BNC2: variants seen among roughly 807,000 people sequenced by gnomAD.
BNC2 encodes the protein zinc finger protein basonuclin-2.
Under a neutral mutation model 76.3 loss-of-function variants are expected in BNC2, and 20 were observed. The ratio of observed to expected loss-of-function variants is 0.26; its 90% CI spans 0.18 to 0.38. The LOEUF (loss-of-function observed/expected upper bound fraction) is 0.38. BNC2 is among the 10% of genes least tolerant of loss of function. The pLI, the probability that BNC2 is intolerant of heterozygous loss-of-function variation, is 1.00. For missense variants in BNC2, 1,382 were observed against 1,399.8 expected, an observed-to-expected ratio of 0.99 and a Z score of 0.20; for synonymous variants, 582 against 514.8, an observed-to-expected ratio of 1.13 and a Z score of -1.77.
intron 3 of BNC2, among the ~76,000 whole-genome samples, chr9:16,622,873 TA>T (rs374598689): frequency 5.9e-5 from 9 of 152,052 alleles, no homozygotes. Context: ...AATTATATAC[TA>T]AAAAAACCTT....
At chr9:16,557,373 C>T (rs1305517886) in intron 4 of BNC2, among the ~76,000 whole-genome samples, 7 of 151,986 alleles carry the variant, frequency 4.6e-5, no homozygotes, top group Admixed American at 4.6e-4. Flanking sequence ...GTGGCACACG[C>T]CTGTAGTCCC....
At chr9:16,792,312 A>C (rs1289305501) in intron 1 of BNC2, among the ~76,000 whole-genome samples, 2 of 152,196 alleles carry the variant, frequency 1.3e-5, no homozygotes, top group African/African-American at 2.4e-5. Context: ...GTAAGCAGTG[A>C]AGTCAGGATT....
chr9:16,506,629 G>A (rs1281428943), intron 5 of BNC2, among the ~76,000 whole-genome samples: 1 of 141,224 alleles, frequency 7.1e-6, no homozygotes, highest in Non-Finnish European at 1.5e-5. Flanking sequence ...TGCTTCAAAC[G>A]ATTCTCCTGC....
intron 5 of BNC2, among the ~76,000 whole-genome samples, chr9:16,542,482 C>G (rs1249681114): frequency 4.6e-5 from 7 of 152,228 alleles, no homozygotes; most frequent in African/African-American, 1.7e-4. Flanking sequence ...TAGATACCAA[C>G]AGGACCACAA....
At chr9:16,672,119 C>T (rs1465338801) in intron 3 of BNC2, among the ~76,000 whole-genome samples, 1 of 152,160 alleles carries the variant, frequency 6.6e-6, no homozygotes, top group Non-Finnish European at 1.5e-5. Context: ...ACAGGTGAAA[C>T]AGGGAGATCT....
chr9:16,523,330 G>A (rs1200354891), intron 5 of BNC2, among the ~76,000 whole-genome samples: 1 of 151,872 alleles, frequency 6.6e-6, no homozygotes, highest in East Asian at 1.9e-4. Context: ...AATTAGCCGG[G>A]CAGGGTGGCA....
intron 3 of BNC2, among the ~76,000 whole-genome samples, chr9:16,627,473 G>C (rs549089463): frequency 6.6e-5 from 10 of 152,250 alleles, no homozygotes; most frequent in African/African-American, 2.4e-4. Flanking sequence ...GTGATAACAG[G>C]CCAATATTCA....
intron 5 of BNC2, among the ~76,000 whole-genome samples, chr9:16,506,457 A>G (rs1434265574): frequency 6.7e-6 from 1 of 148,268 alleles, no homozygotes; most frequent in Non-Finnish European, 1.5e-5. Context: ...GGCAAGTTGA[A>G]ATTTTATCTA....
At chr9:16,529,642 G>C (rs1355271778) in intron 5 of BNC2, among the ~76,000 whole-genome samples, 1 of 151,998 alleles carries the variant, frequency 6.6e-6, no homozygotes, top group African/African-American at 2.4e-5. Flanking sequence ...ATTACTAGTT[G>C]TTCTAGTGGA....
intron 1 of BNC2, among the ~76,000 whole-genome samples, chr9:16,783,790 C>T (rs1335459258): frequency 8.5e-5 from 13 of 152,120 alleles, no homozygotes; most frequent in Non-Finnish European, 1.5e-5. Context: ...TCAATGAAAT[C>T]GCAAAGCTAT....
intron 1 of BNC2, among the ~76,000 whole-genome samples, chr9:16,757,481 C>T (rs1427914495): frequency 1.3e-5 from 2 of 152,146 alleles, no homozygotes; most frequent in Non-Finnish European, 2.9e-5. Context: ...TGACAACTGT[C>T]GAACATGACA....
At chr9:16,687,279 G>A (rs1366850117) in intron 3 of BNC2, among the ~76,000 whole-genome samples, 1 of 152,050 alleles carries the variant, frequency 6.6e-6, no homozygotes, top group African/African-American at 2.4e-5. Flanking sequence ...TCATATGAAA[G>A]AAATTACAAA....
chr9:16,767,708 T>C (rs1825735195), intron 1 of BNC2, among the ~76,000 whole-genome samples: 1 of 152,222 alleles, frequency 6.6e-6, no homozygotes, highest in African/African-American at 2.4e-5. Context: ...TTTTCAAACA[T>C]GTATTATACA....
chr9:16,827,530 G>A (rs112399426), intron 1 of BNC2, among the ~76,000 whole-genome samples: 1 of 152,126 alleles, frequency 6.6e-6, no homozygotes, highest in African/African-American at 2.4e-5. Context: ...CTAGAATCCG[G>A]AGAACTCAGT....
intron 1 of BNC2, among the ~76,000 whole-genome samples, chr9:16,782,012 C>T (rs941298031): frequency 1.3e-5 from 2 of 152,028 alleles, no homozygotes; most frequent in South Asian, 2.1e-4. Flanking sequence ...ATAGGCTGGG[C>T]GTGGTGGCTC....
At chr9:16,457,555 T>A (rs980608033) in intron 5 of BNC2, among the ~76,000 whole-genome samples, 2 of 152,152 alleles carry the variant, frequency 1.3e-5, no homozygotes, top group African/African-American at 4.8e-5. Context: ...CAGCATTAAA[T>A]TGTGACAACA....
chr9:16,698,151 T>C (rs1231425844), intron 3 of BNC2, among the ~76,000 whole-genome samples: 1 of 152,154 alleles, frequency 6.6e-6, no homozygotes, highest in African/African-American at 2.4e-5. Flanking sequence ...ACAGAAACCA[T>C]ACATCTACCT....
chr9:16,497,118 G>T (rs1042302849), intron 5 of BNC2, among the ~76,000 whole-genome samples: 1 of 152,222 alleles, frequency 6.6e-6, no homozygotes, highest in Non-Finnish European at 1.5e-5. Context: ...CACCCTTGTG[G>T]TCACTATTGT....
chr9:16,427,828 C>T (rs528909141), intron 6 of BNC2, among the ~76,000 whole-genome samples: 105 of 152,312 alleles, frequency 6.9e-4, no homozygotes, highest in African/African-American at 2.4e-3. Context: ...TCCCTTTCCT[C>T]TTTCCTCAGT....
Sources: allele counts gnomAD v4.1 joint callset (sites outside exome capture counted in the v4.1 genomes callset), GRCh38; gene constraint gnomAD v4.1.1; transcripts MANE v1.5; gene names NCBI Gene and HGNC (gene_info 2026-07-23, HGNC 2026-07-21).